Variants in PTPN21 observed in about 807,000 individuals in gnomAD.
PTPN21 encodes protein tyrosine phosphatase non-receptor type 21, also known as tyrosine-protein phosphatase non-receptor type 21.
A neutral mutation model predicts 131.8 loss-of-function variants in PTPN21; 77 were observed. That is an observed-to-expected ratio of 0.58 (90% CI 0.49 to 0.71). PTPN21 has a LOEUF of 0.71. Ranked by LOEUF, PTPN21 falls within the 30% of genes least tolerant of loss-of-function variation. The pLI is 0.00. For missense variants in PTPN21, 1,552 were observed against 1,527.1 expected (o/e 1.02, Z -0.27); for synonymous variants, 715 against 621.3 (o/e 1.15, Z -2.24).
At chr14:88,514,799 G>A (rs570274746) in intron 3 of PTPN21, among the ~76,000 whole-genome samples, 24 of 152,016 alleles carry the variant, frequency 1.6e-4, no homozygotes, top group Admixed American at 1.5e-3. Flanking sequence ...CTTTGAGTGG[G>A]TTTTTTTAGA....
chr14:88,537,615 C>T (rs2078648719), intron 2 of PTPN21, among the ~76,000 whole-genome samples: 1 of 151,996 alleles, frequency 6.6e-6, no homozygotes, highest in African/African-American at 2.4e-5. Flanking sequence ...TATATTATGC[C>T]AGATACTGAT....
chr14:88,483,180 C>T (rs1293626905), intron 12 of PTPN21, among the ~76,000 whole-genome samples: 1 of 148,866 alleles, frequency 6.7e-6, no homozygotes, highest in Non-Finnish European at 1.5e-5. Context: ...CCACTTCACT[C>T]CAGCCTGGGC....
intron 11 of PTPN21, 94 bp downstream of exon 11, chr14:88,485,688 G>C: frequency 1.0e-6 from 1 of 961,750 alleles, no homozygotes; most frequent in Non-Finnish European, 1.6e-6. Flanking sequence ...CACTTTTATG[G>C]TTCAAACTCA....
chr14:88,507,241 C>T (rs7160471), intron 4 of PTPN21, among the ~76,000 whole-genome samples: 52,604 of 151,786 alleles, frequency 0.35, 9,659 homozygotes, highest in African/African-American at 0.48. Context: ...TATTAGCAGA[C>T]AAAGTCTTTG....
intron 8 of PTPN21, among the ~76,000 whole-genome samples, chr14:88,500,033 C>CA (rs1027897966): frequency 1.6e-4 from 24 of 151,246 alleles, no homozygotes; most frequent in Admixed American, 3.3e-4. Flanking sequence ...TTTATATCAG[C>CA]AAAAAAAACC....
chr14:88,484,386 G>C (rs1368322847), intron 12 of PTPN21, among the ~76,000 whole-genome samples: 1 of 152,084 alleles, frequency 6.6e-6, no homozygotes, highest in Non-Finnish European at 1.5e-5. Context: ...CTTCAGCTTG[G>C]GGGTTTGTTA....
intron 2 of PTPN21, among the ~76,000 whole-genome samples, chr14:88,522,752 A>C (rs1362045333): frequency 1.3e-5 from 2 of 152,156 alleles, no homozygotes; most frequent in Admixed American, 1.3e-4. Context: ...TGGGTAACTA[A>C]ATTATTGTAA....
chr14:88,479,381 G>C lies in PTPN21; in HGVS notation c.2050C>G (p.Arg684Gly). 1.9e-6 allele frequency: 3 copies of C among 1,608,858 alleles called. No individual in the cohort carries two copies. The highest frequency in any genetic ancestry group is 2.5e-6 in the Non-Finnish European group (3 of 1,179,540). Residue 684 changes from arginine (R) to glycine (G), a missense_variant, in exon 13 of 19, where the codon CGA becomes GGA. By Grantham distance (125) the Arg-to-Gly change is moderately radical. Around this residue, in one of 4 missense-constraint regions of PTPN21, gnomAD observed 1,016 missense variants for 883.5 expected, o/e 1.15. Transcript: ENST00000556564. ...QPSVFTERTQ[R>G]EGPEEAEGLR... ...CCCTCCGCCTCCTCCGGCCCTTCTC[G>C]CTGTGTCCTCTCGGTGAAAACGCTG... is the stretch of plus-strand genomic sequence containing the variant.
intron 7 of PTPN21, 44 bp downstream of exon 7, chr14:88,501,237 G>T (rs371498612): frequency 6.7e-7 from 1 of 1,487,640 alleles, no homozygotes; most frequent in Non-Finnish European, 9.4e-7. Flanking sequence ...TCTCAAATTT[G>T]TAAGCCTAAC....
intron 14 of PTPN21, among the ~76,000 whole-genome samples, chr14:88,473,124 T>G (rs1006331885): frequency 6.6e-6 from 1 of 152,074 alleles, no homozygotes; most frequent in Non-Finnish European, 1.5e-5. Flanking sequence ...GAACAAATGT[T>G]TCCATTTTAT....
At chr14:88,544,963 G>GA (rs1320522413) in intron 2 of PTPN21, among the ~76,000 whole-genome samples, 1 of 151,998 alleles carries the variant, frequency 6.6e-6, no homozygotes, top group East Asian at 1.9e-4. Flanking sequence ...AAGTAGTTGG[G>GA]ACTACAGGCA....
At chr14:88,517,665 T>TATATATACAC (rs1405574577) in intron 2 of PTPN21, among the ~76,000 whole-genome samples, 2 of 147,556 alleles carry the variant, frequency 1.4e-5, no homozygotes, top group Non-Finnish European at 3.0e-5. Flanking sequence ...TATATACACA[T>TATATATACAC]ACACACACAT....
At position 88,496,207 on chromosome 14, in the gene PTPN21, A is replaced by G. The variant is rs528005770; in HGVS notation, c.932+206T>C. 9.3e-4 allele frequency among the ~76,000 whole-genome samples: 142 copies of G among 152,346 alleles called. 2 individuals are homozygous for G. The highest frequency in any genetic ancestry group is 1.5e-4 in the Non-Finnish European group (10 of 68,036). On this transcript the variant is annotated intron_variant, in intron 10 of 18. Transcript: ENST00000556564. ...CCCTTTTTACCTTTCAAGAATTACA[A>G]TGGTTCTTGTAACTAGTTGAAATAA...
chr14:88,535,661 T>A (rs1321493364), intron 2 of PTPN21, among the ~76,000 whole-genome samples: 1 of 152,166 alleles, frequency 6.6e-6, no homozygotes, highest in Non-Finnish European at 1.5e-5. Flanking sequence ...GAAAATAGAA[T>A]AAAACTTGAA....
At chr14:88,532,430 T>A (rs536475212) in intron 2 of PTPN21, among the ~76,000 whole-genome samples, 184 of 152,348 alleles carry the variant, frequency 1.2e-3, no homozygotes, top group Non-Finnish European at 2.3e-3. Flanking sequence ...TTCTATTTTC[T>A]AATATCTATA....
intron 3 of PTPN21, among the ~76,000 whole-genome samples, chr14:88,511,073 T>C (rs2078172161): frequency 6.6e-6 from 1 of 151,972 alleles, no homozygotes; most frequent in Non-Finnish European, 1.5e-5. Flanking sequence ...CCACCACAGC[T>C]GGCTAAATTT....
Position 88,469,477 on chromosome 14 carries a change from G to A in PTPN21, c.3235+22C>T. 1 of 1,578,248 alleles carries A rather than the reference G, an allele frequency of 6.3e-7. No individual in the cohort carries two copies. Among genetic ancestry groups the A allele is most frequent in the Non-Finnish European group, 8.7e-7 (1 of 1,147,756 alleles). On this transcript the variant is annotated intron_variant, in intron 17 of 18. Coordinates refer to ENST00000556564, the MANE Select transcript of PTPN21 (RefSeq NM_007039.4). This position sits in a 1 kb window ranked among gnomAD's most constrained non-coding sequence, Gnocchi z 4.3. ...ACACCTCCAGAGGCAGCTGTCCTCG[G>A]AACAAAGTTAAAGTCACTCACATAA...
At chr14:88,525,018 G>C (rs1213968594) in intron 2 of PTPN21, among the ~76,000 whole-genome samples, 1 of 152,046 alleles carries the variant, frequency 6.6e-6, no homozygotes, top group African/African-American at 2.4e-5. Context: ...TGAGGCAGGA[G>C]GACTGCTTGA....
intron 2 of PTPN21, chr14:88,547,793 T>C (rs2078804956): frequency 2.6e-6 from 1 of 385,562 alleles, no homozygotes; most frequent in African/African-American, 2.1e-5. Context: ...GGGTCTGCGA[T>C]GTCCTCTTTT....
Sources: allele counts gnomAD v4.1 joint callset (sites outside exome capture counted in the v4.1 genomes callset), GRCh38; gene constraint gnomAD v4.1.1; regional missense constraint gnomAD v4.1.1; non-coding constraint Gnocchi (gnomAD v3.1); transcripts MANE v1.5; gene names NCBI Gene and HGNC (gene_info 2026-07-23, HGNC 2026-07-21).